CCDC192: variants seen among roughly 807,000 people sequenced by gnomAD.
The protein encoded by CCDC192 is coiled-coil domain-containing protein 192.
intron 5 of CCDC192, among the ~76,000 whole-genome samples, chr5:127,800,392 AAAAAAAAAAC>A (rs1331644890): frequency 1.5e-4 from 21 of 140,018 alleles, no homozygotes; most frequent in African/African-American, 4.0e-4. Flanking sequence ...AAAAAAAAAA[AAAAAAAAAAC>A]AACAACAACA....
chr5:127,901,677 A>G (rs1753041886), intron 6 of CCDC192, among the ~76,000 whole-genome samples: 1 of 152,216 alleles, frequency 6.6e-6, no homozygotes. Context: ...GCTCCCAGTC[A>G]GTCAGGGCTT....
At chr5:127,826,276 AG>A (rs1413833780) in intron 5 of CCDC192, among the ~76,000 whole-genome samples, 2 of 152,136 alleles carry the variant, frequency 1.3e-5, no homozygotes, top group Admixed American at 6.5e-5. Context: ...AAAAAGTCAA[AG>A]AAACAACAGA....
At chr5:127,800,376 G>GAAAAAAAAAAAAA (rs1168212422) in intron 5 of CCDC192, among the ~76,000 whole-genome samples, 3 of 19,512 alleles carry the variant, frequency 1.5e-4, no homozygotes, top group African/African-American at 4.7e-4. Context: ...GAGGTATTCT[G>GAAAAAAAAAAAAA]AAAAAAAAAA....
intron 5 of CCDC192, among the ~76,000 whole-genome samples, chr5:127,850,265 G>A (rs182004371): frequency 6.6e-6 from 1 of 152,106 alleles, no homozygotes; most frequent in Non-Finnish European, 1.5e-5. Context: ...ACATTCTGCT[G>A]GTCTAACTGA....
chr5:127,756,025 C>T (rs1016320575), intron 3 of CCDC192, among the ~76,000 whole-genome samples: 6 of 151,612 alleles, frequency 4.0e-5, no homozygotes, highest in African/African-American at 1.2e-4. Flanking sequence ...CCCAGGTACT[C>T]GGGAGGCTGA....
intron 3 of CCDC192, among the ~76,000 whole-genome samples, chr5:127,761,413 C>T (rs868422703): frequency 1.3e-5 from 2 of 152,240 alleles, no homozygotes; most frequent in Middle Eastern, 3.4e-3. Context: ...CTTTGCTGGG[C>T]CACACTAAAG....
intron 5 of CCDC192, among the ~76,000 whole-genome samples, chr5:127,831,953 C>T (rs1749814770): frequency 6.7e-6 from 1 of 149,348 alleles, no homozygotes; most frequent in Admixed American, 6.7e-5. Flanking sequence ...TTTAAAAATG[C>T]AAGATAAAAA....
intron 1 of CCDC192, among the ~76,000 whole-genome samples, chr5:127,704,437 C>A (rs1456844231): frequency 6.6e-6 from 1 of 152,212 alleles, no homozygotes; most frequent in Non-Finnish European, 1.5e-5. Flanking sequence ...ATCTGCCCAC[C>A]TTGGCCTCCC....
intron 5 of CCDC192, among the ~76,000 whole-genome samples, chr5:127,846,584 C>G (rs1402676615): frequency 6.6e-6 from 1 of 152,002 alleles, no homozygotes; most frequent in Non-Finnish European, 1.5e-5. Flanking sequence ...ATTCTCATGC[C>G]TCAGCCTCCC....
chr5:127,876,536 C>A (rs1421750), intron 6 of CCDC192, among the ~76,000 whole-genome samples: 98,962 of 151,950 alleles, frequency 0.65, 32,235 homozygotes, highest in Non-Finnish European at 0.68. Flanking sequence ...TCAGGGCATT[C>A]CCTCTGCTAT....
At chr5:127,760,656 C>T (rs1311699871) in intron 3 of CCDC192, among the ~76,000 whole-genome samples, 1 of 142,642 alleles carries the variant, frequency 7.0e-6, no homozygotes, top group African/African-American at 2.6e-5. Flanking sequence ...AGGCTGAGAT[C>T]GCGCCACTGC....
chr5:127,771,111 C>G (rs1408062552), intron 3 of CCDC192, among the ~76,000 whole-genome samples: 1 of 151,924 alleles, frequency 6.6e-6, no homozygotes, highest in Non-Finnish European at 1.5e-5. Flanking sequence ...TTTTCAATTT[C>G]TACTGGAAGA....
At chr5:127,893,313 T>A (rs1387500187) in intron 6 of CCDC192, among the ~76,000 whole-genome samples, 1 of 152,174 alleles carries the variant, frequency 6.6e-6, no homozygotes, top group African/African-American at 2.4e-5. Flanking sequence ...TTTCCTCAAC[T>A]TTAATATGAG....
intron 2 of CCDC192, among the ~76,000 whole-genome samples, chr5:127,749,854 G>T (rs1410354428): frequency 2.0e-5 from 3 of 152,330 alleles, no homozygotes; most frequent in South Asian, 4.2e-4. Context: ...GAGTGTATAT[G>T]TCAAGGAATT....
In CCDC192 at chr5:127,903,814, G is replaced by A. The variant is rs557051380; in HGVS notation, c.535+28153G>A. Among the ~76,000 whole-genome samples the A allele has an allele frequency of 7.2e-5, 11 of 152,208 alleles. No individual in the cohort carries two copies. In the East Asian group the frequency reaches 2.1e-3, roughly 29 times the overall value. On this transcript the variant is annotated intron_variant, in intron 6 of 6. Transcript: ENST00000514853. ...AGAAATAAAATCCAAAGAAATGAAA[G>A]CTTTTATTGAAAACTGTTTTGTTGG...
At chr5:127,852,230 G>A (rs1175715609) in intron 5 of CCDC192, among the ~76,000 whole-genome samples, 1 of 152,138 alleles carries the variant, frequency 6.6e-6, no homozygotes, top group East Asian at 1.9e-4. Flanking sequence ...GAAGGTATAT[G>A]TAAAATAGTG....
intron 6 of CCDC192, among the ~76,000 whole-genome samples, chr5:127,890,027 T>C (rs1187643019): frequency 6.6e-6 from 1 of 152,172 alleles, no homozygotes; most frequent in Non-Finnish European, 1.5e-5. Context: ...TGCTTAGCAT[T>C]GTCTCCTATG....
chr5:127,763,361 T>C (rs1755036459), intron 3 of CCDC192, among the ~76,000 whole-genome samples: 1 of 152,170 alleles, frequency 6.6e-6, no homozygotes. Context: ...AATCAATTGC[T>C]GAGTACTACA....
chr5:127,839,643 T>C (rs1396298299), intron 5 of CCDC192, among the ~76,000 whole-genome samples: 1 of 152,178 alleles, frequency 6.6e-6, no homozygotes, highest in African/African-American at 2.4e-5. Context: ...CAAGTACCAT[T>C]ACACAACATT....
Sources: gnomAD v4.1 joint callset for allele counts (sites outside exome capture counted in the v4.1 genomes callset) on GRCh38, gnomAD v4.1.1 for gene constraint, MANE v1.5 for transcripts, NCBI Gene and HGNC (gene_info 2026-07-23, HGNC 2026-07-21) for gene names.